DLGAP1: variants seen among roughly 807,000 people sequenced by gnomAD.
DLGAP1 encodes DLG associated protein 1.
DLGAP1 carries 11 observed loss-of-function variants against 90.8 expected under a neutral mutation model. The observed-to-expected ratio is 0.12, with a 90% CI of 0.08 to 0.20. DLGAP1 has a LOEUF of 0.20. DLGAP1 is among the 10% of genes least tolerant of loss of function. DLGAP1 has a pLI of 1.00. For synonymous variants in DLGAP1, 558 were observed against 540.7 expected, an observed-to-expected ratio of 1.03 and a Z score of -0.44; for missense variants, 1,050 against 1,333.8, an observed-to-expected ratio of 0.79 and a Z score of 3.31.
chr18:3,946,883 T>C (rs1200502634), intron 3 of DLGAP1, among the ~76,000 whole-genome samples: 1 of 152,218 alleles, frequency 6.6e-6, no homozygotes, highest in Non-Finnish European at 1.5e-5. Context: ...ATTTAAACCT[T>C]GACGTGATGC....
At chr18:4,265,633 C>T (rs1266867121) in intron 1 of DLGAP1, among the ~76,000 whole-genome samples, 24 of 46,274 alleles carry the variant, frequency 5.2e-4, no homozygotes, top group African/African-American at 4.0e-3. Flanking sequence ...CCCCTTCCCT[C>T]CCTCCCCTTC....
intron 2 of DLGAP1, among the ~76,000 whole-genome samples, chr18:4,020,822 G>T (rs2074596405): frequency 6.6e-6 from 1 of 152,194 alleles, no homozygotes; most frequent in Non-Finnish European, 1.5e-5. Flanking sequence ...ACGGCCTCTG[G>T]TTGCAAGAGT....
intron 1 of DLGAP1, among the ~76,000 whole-genome samples, chr18:4,389,490 C>T (rs1598339170): frequency 6.6e-6 from 1 of 152,222 alleles, no homozygotes; most frequent in East Asian, 1.9e-4. Context: ...TTAAAAATGG[C>T]TGACATGGTA....
chr18:4,164,446 G>A (rs927435981), intron 1 of DLGAP1, among the ~76,000 whole-genome samples: 1 of 151,998 alleles, frequency 6.6e-6, no homozygotes, highest in African/African-American at 2.4e-5. Context: ...TTTGGGAGGC[G>A]AAGATGGGTG....
chr18:3,853,336 A>C (rs1474116911), intron 4 of DLGAP1, among the ~76,000 whole-genome samples: 1 of 152,126 alleles, frequency 6.6e-6, no homozygotes, highest in African/African-American at 2.4e-5. Context: ...ATTTTAGAAC[A>C]CGGTCATGGG....
intron 1 of DLGAP1, among the ~76,000 whole-genome samples, chr18:4,156,532 T>C (rs1190564721): frequency 6.6e-6 from 1 of 152,190 alleles, no homozygotes; most frequent in East Asian, 1.9e-4. Flanking sequence ...AGACACCATA[T>C]CATACTTTAC....
intron 3 of DLGAP1, among the ~76,000 whole-genome samples, chr18:3,922,570 C>G (rs191352336): frequency 1.2e-4 from 19 of 152,276 alleles, no homozygotes; most frequent in African/African-American, 4.3e-4. Context: ...TGATCTTGGA[C>G]ATATTGCAAA....
At chr18:4,027,641 C>T (rs1331538050) in intron 2 of DLGAP1, among the ~76,000 whole-genome samples, 2 of 150,810 alleles carry the variant, frequency 1.3e-5, no homozygotes, top group Non-Finnish European at 3.0e-5. Flanking sequence ...TTCCCTCATA[C>T]TCCTTCTCTT....
At chr18:3,599,368 T>A (rs868573214) in intron 7 of DLGAP1, among the ~76,000 whole-genome samples, 1 of 152,220 alleles carries the variant, frequency 6.6e-6, no homozygotes, top group Non-Finnish European at 1.5e-5. Context: ...CGCCCCTTAA[T>A]GGAGTACTTG....
chr18:3,560,286 G>A (rs959129385), intron 9 of DLGAP1, among the ~76,000 whole-genome samples: 16 of 152,032 alleles, frequency 1.1e-4, no homozygotes, highest in Admixed American at 3.9e-4. Flanking sequence ...GGGTGTGGTG[G>A]TGTGTGCCTG....
chr18:4,362,513 T>A lies in DLGAP1; in HGVS notation c.-267+92493A>T, dbSNP rs938826641. Among the ~76,000 whole-genome samples, 10 of 152,342 alleles carry A rather than the reference T, an allele frequency of 6.6e-5. 1 individual carries two copies. Among genetic ancestry groups the A allele is most frequent in the East Asian group, 5.8e-4 (3 of 5,186 alleles). Reference sequence around the variant, plus strand: ...GCTGTATGATTCCATTAATGTGATGTACTTAGCGTATTCAAAATCACAGAG... The same window carrying A: ...GCTGTATGATTCCATTAATGTGATGAACTTAGCGTATTCAAAATCACAGAG... On this transcript the variant is annotated intron_variant, in intron 1 of 12. Coordinates refer to ENST00000315677, the MANE Select transcript of DLGAP1 (RefSeq NM_004746.4).
intron 1 of DLGAP1, among the ~76,000 whole-genome samples, chr18:4,304,378 C>T (rs1423341431): frequency 6.6e-6 from 1 of 152,120 alleles, no homozygotes; most frequent in Non-Finnish European, 1.5e-5. Flanking sequence ...TAATTAGAAA[C>T]AATTATTCAA....
chr18:4,281,725 T>C (rs2079557128), intron 1 of DLGAP1, among the ~76,000 whole-genome samples: 1 of 152,168 alleles, frequency 6.6e-6, no homozygotes, highest in Non-Finnish European at 1.5e-5. Flanking sequence ...CCCTCAAAAA[T>C]ACAAAGTTAA....
chr18:3,956,780 A>G (rs1263986557), intron 3 of DLGAP1, among the ~76,000 whole-genome samples: 1 of 151,982 alleles, frequency 6.6e-6, no homozygotes, highest in Non-Finnish European at 1.5e-5. Flanking sequence ...CCTCCTGAAT[A>G]GCTGGGACTA....
At chr18:4,006,709 G>A (rs1397514692) in intron 2 of DLGAP1, among the ~76,000 whole-genome samples, 1 of 150,210 alleles carries the variant, frequency 6.7e-6, no homozygotes, top group African/African-American at 2.5e-5. Context: ...GCAGTGGCAC[G>A]ATCACAGCTC....
At chr18:4,420,323 A>C (rs1314939880) in intron 1 of DLGAP1, among the ~76,000 whole-genome samples, 1 of 152,182 alleles carries the variant, frequency 6.6e-6, no homozygotes, top group African/African-American at 2.4e-5. Context: ...TTATCAACCA[A>C]CTCAGCATAA....
intron 3 of DLGAP1, among the ~76,000 whole-genome samples, chr18:3,939,294 C>T (rs753712586): frequency 5.9e-5 from 9 of 151,624 alleles, no homozygotes; most frequent in Non-Finnish European, 1.3e-4. Context: ...TGGTGGGCAC[C>T]TGTAACCCCA....
intron 2 of DLGAP1, among the ~76,000 whole-genome samples, chr18:4,053,297 C>T (rs1326342320): frequency 1.3e-5 from 2 of 152,158 alleles, no homozygotes; most frequent in African/African-American, 4.8e-5. Context: ...ACATGTCCTT[C>T]TTCACATAGC....
chr18:4,061,213 C>A (rs897045805), intron 2 of DLGAP1, among the ~76,000 whole-genome samples: 3 of 152,134 alleles, frequency 2.0e-5, no homozygotes, highest in Non-Finnish European at 4.4e-5. Context: ...AATAATTTTA[C>A]ATGCAGGGCA....
Sources: allele counts gnomAD v4.1 joint callset (sites outside exome capture counted in the v4.1 genomes callset), GRCh38; gene constraint gnomAD v4.1.1; transcripts MANE v1.5; gene names NCBI Gene and HGNC (gene_info 2026-07-23, HGNC 2026-07-21).